Variants in ANKRD66 observed in about 807,000 individuals in gnomAD.
The protein encoded by ANKRD66 is ankyrin repeat domain-containing protein 66.
Under a neutral mutation model 10.9 loss-of-function variants are expected in ANKRD66, and 10 were observed. The observed-to-expected ratio is 0.91, with a 90% CI of 0.56 to 1.55. ANKRD66 has a LOEUF of 1.55. ANKRD66 is among the 40% of genes most tolerant of loss of function. The pLI is 0.00. For missense variants in ANKRD66, 252 were observed against 242.9 expected, an observed-to-expected ratio of 1.04 and a Z score of -0.25; for synonymous variants, 85 against 88.4, an observed-to-expected ratio of 0.96 and a Z score of 0.22.
chr6:46,752,188 G>C, intron 3 of ANKRD66, 77 bp downstream of exon 3: 1 of 1,319,580 alleles, frequency 7.6e-7, no homozygotes, highest in Non-Finnish European at 9.8e-7. Context: ...AGGCTATGTG[G>C]GGGAGTGGAA....
At chr6:46,749,139 C>T (rs940647612) in intron 1 of ANKRD66, among the ~76,000 whole-genome samples, 3 of 152,184 alleles carry the variant, frequency 2.0e-5, no homozygotes, top group Non-Finnish European at 4.4e-5. Flanking sequence ...CCCTCAGCAG[C>T]CCACAGCTGT....
Position 46,759,182 on chromosome 6 carries a change from C to A in ANKRD66, c.*261C>A. 3.4e-6 allele frequency: 1 copy of A among 296,960 alleles called. No individual in the cohort carries two copies. Among genetic ancestry groups the A allele is most frequent in the Non-Finnish European group, 6.2e-6 (1 of 162,538 alleles). 18.4% of individuals were successfully genotyped at this position (296,960 alleles called of 1,614,324 possible). A position where few individuals can be genotyped will look rare whatever the true frequency, so the allele number is the denominator to read the frequency against. ...CACAGTCAGCATCTTTTGACCCCTG[C>A]CCCCCAACAATAATAGAATTTCAGG... On this transcript the variant is annotated 3_prime_UTR_variant, in exon 5 of 5. Transcript: ENST00000565422.
intron 3 of ANKRD66, among the ~76,000 whole-genome samples, chr6:46,752,541 G>A (rs962760037): frequency 1.3e-5 from 2 of 152,168 alleles, no homozygotes; most frequent in Admixed American, 6.5e-5. Flanking sequence ...GGCCCCAGAT[G>A]GAACATTTTA....
At chr6:46,754,401 C>T (rs1343568937) in intron 4 of ANKRD66, among the ~76,000 whole-genome samples, 1 of 152,200 alleles carries the variant, frequency 6.6e-6, no homozygotes, top group Non-Finnish European at 1.5e-5. Context: ...CTATGTTCAT[C>T]TGTGAATGCC....
At chr6:46,749,851 G>A (rs1386204199) in intron 1 of ANKRD66, 45 bp from the exon 2 acceptor site, 10 of 1,533,338 alleles carry the variant, frequency 6.5e-6, no homozygotes, top group Middle Eastern at 1.7e-4. Flanking sequence ...GGGCATTTAG[G>A]GCATTGCATT....
At chr6:46,750,758 A>T (rs1766253030) in intron 2 of ANKRD66, among the ~76,000 whole-genome samples, 2 of 150,636 alleles carry the variant, frequency 1.3e-5, no homozygotes, top group Non-Finnish European at 3.0e-5. Context: ...AAAGGGAGGA[A>T]TATTTTCAGA....
chr6:46,750,125 C>T (rs1766236285), intron 2 of ANKRD66, 146 bp downstream of exon 2: 2 of 548,640 alleles, frequency 3.6e-6, no homozygotes, highest in African/African-American at 1.9e-5. Flanking sequence ...TTCCCAATGG[C>T]CCCATCTCAA....
At position 46,752,097 on chromosome 6, in the gene ANKRD66, G is replaced by A. The variant is rs1766282876; in HGVS notation, c.149G>A (p.Trp50Ter). ...TGGAATGACCGGACCCCACTTCACT[G>A]GGCTGCAATCAAAGGTGAGTGGGCA... is the stretch of plus-strand genomic sequence containing the variant. ...VDWNDRTPLHWAAIKGQMEVI... is the reference protein window; with the variant it reads ...VDWNDRTPLH The change falls in exon 3 of 5, where the codon TGG becomes TAG. Residue 50 changes from tryptophan (W) to a stop codon, truncating the protein, a stop_gained. Coordinates refer to ENST00000565422, the MANE Select transcript of ANKRD66 (RefSeq NM_001162435.3). LOFTEE classifies it high-confidence loss of function. 2 of 1,489,724 alleles carry A rather than the reference G, an allele frequency of 1.3e-6. No individual in the cohort carries two copies. The highest frequency in any genetic ancestry group is 1.8e-6 in the Non-Finnish European group (2 of 1,122,026). The allele number at this position is 1,489,724 out of a possible 1,614,324, so 92.3% of individuals were successfully genotyped here. A position where few individuals can be genotyped will look rare whatever the true frequency, so the allele number is the denominator to read the frequency against.
intron 1 of ANKRD66, among the ~76,000 whole-genome samples, chr6:46,747,360 G>A (rs1394713378): frequency 6.6e-6 from 1 of 152,184 alleles, no homozygotes; most frequent in East Asian, 1.9e-4. Flanking sequence ...GAATTCAGTG[G>A]TTTTGGGCCT....
At chr6:46,748,856 G>T (rs1318788064) in intron 1 of ANKRD66, among the ~76,000 whole-genome samples, 2 of 152,208 alleles carry the variant, frequency 1.3e-5, no homozygotes, top group Non-Finnish European at 2.9e-5. Flanking sequence ...TTGCTACTCA[G>T]AGTGTGGTAA....
intron 4 of ANKRD66, chr6:46,757,388 G>C (rs918635165): frequency 1.4e-4 from 22 of 152,372 alleles, no homozygotes; most frequent in African/African-American, 5.3e-4. Flanking sequence ...TCACACTAGA[G>C]AGGAATGGAG....
At chr6:46,747,288 T>G (rs1766164240) in intron 1 of ANKRD66, among the ~76,000 whole-genome samples, 1 of 152,246 alleles carries the variant, frequency 6.6e-6, no homozygotes, top group Non-Finnish European at 1.5e-5. Context: ...AATAGTTTTT[T>G]GTAAAGCAGC....
chr6:46,753,261 G>A (rs1015300718), intron 3 of ANKRD66, among the ~76,000 whole-genome samples: 2 of 152,208 alleles, frequency 1.3e-5, no homozygotes, highest in African/African-American at 4.8e-5. Flanking sequence ...GGGATTGTCA[G>A]GGTATGAAAT....
chr6:46,751,922 A>G lies in ANKRD66; in HGVS notation c.-12-15A>G. 7.0e-7 allele frequency: 1 copy of G among 1,422,200 alleles called. No homozygotes were observed. The highest frequency in any genetic ancestry group is 9.2e-7 in the Non-Finnish European group (1 of 1,087,150). The allele number at this position is 1,422,200 out of a possible 1,614,324, so 88.1% of individuals were successfully genotyped here. A position where few individuals can be genotyped will look rare whatever the true frequency, so the allele number is the denominator to read the frequency against. Reference sequence around the variant, plus strand: ...AGTTACATAGAATTTCCTAAGTGGCATGTCTCTCCCACAGTTGTTTTCTGC... The same window carrying G: ...AGTTACATAGAATTTCCTAAGTGGCGTGTCTCTCCCACAGTTGTTTTCTGC... On this transcript the variant is annotated splice_polypyrimidine_tract_variant and intron_variant, in intron 2 of 4. Transcript: ENST00000565422.
At chr6:46,749,527 C>A in intron 1 of ANKRD66, among the ~76,000 whole-genome samples, 1 of 128,240 alleles carries the variant, frequency 7.8e-6, no homozygotes, top group South Asian at 2.4e-4. Flanking sequence ...AGACTCTTGG[C>A]ATAATTTTTT....
chr6:46,752,392 G>A (rs1008861458), intron 3 of ANKRD66, among the ~76,000 whole-genome samples: 2 of 152,072 alleles, frequency 1.3e-5, no homozygotes, highest in African/African-American at 2.4e-5. Context: ...GTGCCACCAC[G>A]ACTAGTGAAT....
At chr6:46,754,659 C>A (rs183569390) in intron 4 of ANKRD66, among the ~76,000 whole-genome samples, 1 of 152,120 alleles carries the variant, frequency 6.6e-6, no homozygotes, top group Non-Finnish European at 1.5e-5. Flanking sequence ...TCTATAGGGG[C>A]AGTTCATGAT....
chr6:46,758,942 T>G lies in ANKRD66; in HGVS notation c.*21T>G, dbSNP rs1209698384. On this transcript the variant is annotated 3_prime_UTR_variant, in exon 5 of 5. Coordinates refer to ENST00000565422, the MANE Select transcript of ANKRD66 (RefSeq NM_001162435.3). ...TATGAGAACTCAACCTTATGTTTTC[T>G]GGCAAGGAACTTTCCCTGGTGCCAG... 1 of 1,524,380 alleles carries G rather than the reference T, an allele frequency of 6.6e-7. No homozygotes were observed. Among genetic ancestry groups the G allele is most frequent in the Non-Finnish European group, 8.8e-7 (1 of 1,133,412 alleles). The allele number at this position is 1,524,380 out of a possible 1,614,324, so 94.4% of individuals were successfully genotyped here. A position where few individuals can be genotyped will look rare whatever the true frequency, so the allele number is the denominator to read the frequency against.
At chr6:46,750,895 G>GT (rs997204286) in intron 2 of ANKRD66, among the ~76,000 whole-genome samples, 6 of 152,026 alleles carry the variant, frequency 3.9e-5, no homozygotes, top group Admixed American at 6.6e-5. Context: ...AAATCCATTG[G>GT]TCTACCAAAT....
Sources: allele counts gnomAD v4.1 joint callset (sites outside exome capture counted in the v4.1 genomes callset), GRCh38; gene constraint gnomAD v4.1.1; transcripts MANE v1.5; gene names NCBI Gene and HGNC (gene_info 2026-07-23, HGNC 2026-07-21).